ACADL: variants seen among roughly 807,000 people sequenced by gnomAD.
ACADL encodes acyl-CoA dehydrogenase long chain, also known as long-chain specific acyl-CoA dehydrogenase, mitochondrial.
ACADL carries 60 observed loss-of-function variants against 56.9 expected under a neutral mutation model. The observed-to-expected ratio is 1.05, with a 90% CI of 0.86 to 1.31. The LOEUF is 1.31. Among genes scored for constraint, ACADL ranks in the 50% most tolerant of loss-of-function variants. The probability of loss-of-function intolerance (pLI) is 0.00; values close to 1 mark genes in which losing one functional copy is unlikely to be tolerated. For missense variants in ACADL, 484 were observed against 525.5 expected, an observed-to-expected ratio of 0.92 and a Z score of 0.77; for synonymous variants, 158 against 179.7, an observed-to-expected ratio of 0.88 and a Z score of 0.97.
In ACADL at chr2:210,195,289, C is replaced by A. The variant is rs955298905; in HGVS notation, c.1034G>T (p.Arg345Leu). 3.7e-6 allele frequency: 6 copies of A among 1,613,606 alleles called. No homozygotes were observed. In the South Asian group the frequency reaches 6.6e-5, roughly 18 times the overall value. The change falls in exon 9 of 11, where the codon CGA becomes CTA. Residue 345 changes from arginine to leucine, a missense_variant. Physicochemically the swap from Arg to Leu is moderately radical, Grantham distance 102 (BLOSUM62 -2). Transcript: ENST00000233710. Reference protein sequence around the residue: ...AELKTHICVTRAFVDNCLQLH... With the variant: ...AELKTHICVTLAFVDNCLQLH... ...CTGGAGACAGTTGTCCACAAATGCT[C>A]GGGTTACACATATATGTGTTTTTAA... is the stretch of plus-strand genomic sequence containing the variant.
chr2:210,214,529 G>GAAAGAAGGAAAT (rs1559640017), intron 4 of ACADL, among the ~76,000 whole-genome samples: 7 of 138,200 alleles, frequency 5.1e-5, no homozygotes, highest in African/African-American at 1.9e-4. Context: ...AAGAAAGAAA[G>GAAAGAAGGAAAT]AAATCTGCTT....
At position 210,204,800 on chromosome 2, in the gene ACADL, G is replaced by A. The variant is rs192202804; in HGVS notation, c.769-118C>T. On this transcript the variant is annotated intron_variant, in intron 6 of 10. Transcript: ENST00000233710. ...AAACAAAACACAAATTGGAAGCCAA[G>A]TTGGAGTAGTTAATGAACATAACTA... is the stretch of plus-strand genomic sequence containing the variant. 2.4e-5 allele frequency: 19 copies of A among 802,322 alleles called. No homozygotes were observed. In the East Asian group the frequency reaches 4.3e-4, roughly 18 times the overall value. The allele number at this position is 802,322 out of a possible 1,614,324, so 49.7% of individuals were successfully genotyped here.
At chr2:210,217,155 A>G (rs1689101361) in intron 3 of ACADL, among the ~76,000 whole-genome samples, 1 of 152,098 alleles carries the variant, frequency 6.6e-6, no homozygotes, top group Non-Finnish European at 1.5e-5. Context: ...TTACTTATCC[A>G]TTCTCCCACT....
intron 1 of ACADL, among the ~76,000 whole-genome samples, chr2:210,223,165 A>G (rs1006063804): frequency 2.0e-5 from 3 of 152,210 alleles, no homozygotes; most frequent in Non-Finnish European, 4.4e-5. Context: ...ACGAATAAAG[A>G]CTTTCAGGTC....
chr2:210,202,874 C>T (rs1383743645), intron 8 of ACADL, among the ~76,000 whole-genome samples: 1 of 152,028 alleles, frequency 6.6e-6, no homozygotes, highest in Non-Finnish European at 1.5e-5. Flanking sequence ...GGTGTGTCAC[C>T]CTCCACCTCC....
Position 210,195,328 on chromosome 2 carries a change from T to A in ACADL, c.995A>T (p.His332Leu), listed in dbSNP as rs1226460778. 3 of 1,612,174 alleles carry A rather than the reference T, an allele frequency of 1.9e-6. No homozygotes were observed. The highest frequency in any genetic ancestry group is 2.5e-6 in the Non-Finnish European group (3 of 1,178,368). The change falls in exon 9 of 11, where the codon CAT (histidine) becomes CTT (leucine). Residue 332 changes from histidine to leucine, a missense_variant. Physicochemically the swap from His to Leu is moderately conservative, Grantham distance 99. Transcript: ENST00000233710. ...ATGTGTTTTTAATTCTGCTAATTTA[T>A]GTTGCACTGTCTTGAATTTAAAGGA... The part of the protein sequence containing the change: ...KTVAHLQTVQ[H>L]KLAELKTHIC...
At chr2:210,221,729 T>C (rs1354720143) in intron 1 of ACADL, among the ~76,000 whole-genome samples, 1 of 146,302 alleles carries the variant, frequency 6.8e-6, no homozygotes, top group Non-Finnish European at 1.5e-5. Flanking sequence ...TTTCTTTCCT[T>C]TTTTTTTTTT....
At chr2:210,211,724 A>T (rs187288569) in intron 4 of ACADL, among the ~76,000 whole-genome samples, 55 of 152,144 alleles carry the variant, frequency 3.6e-4, no homozygotes, top group Non-Finnish European at 7.3e-4. Context: ...ACTGTGAACC[A>T]CTTAAACCTC....
chr2:210,213,517 A>G (rs966603892), intron 4 of ACADL, among the ~76,000 whole-genome samples: 5 of 152,120 alleles, frequency 3.3e-5, no homozygotes, highest in African/African-American at 1.2e-4. Flanking sequence ...AAATTCTTCT[A>G]TACAGGGACA....
intron 9 of ACADL, among the ~76,000 whole-genome samples, chr2:210,194,180 T>C (rs1156855092): frequency 6.6e-6 from 1 of 152,182 alleles, no homozygotes; most frequent in Non-Finnish European, 1.5e-5. Context: ...AAATTTTTTT[T>C]ACACTTTTTG....
At chr2:210,196,340 G>A (rs894988805) in intron 8 of ACADL, among the ~76,000 whole-genome samples, 4 of 151,162 alleles carry the variant, frequency 2.6e-5, no homozygotes, top group Non-Finnish European at 4.4e-5. Flanking sequence ...TACACCTCCC[G>A]TACCTCTCAA....
chr2:210,214,467 A>AAAAGAAAG (rs60795055), intron 4 of ACADL, among the ~76,000 whole-genome samples: 4,305 of 122,378 alleles, frequency 0.035, 138 homozygotes, highest in African/African-American at 0.067. Flanking sequence ...GACCTTCCAA[A>AAAAGAAAG]AAAGAAAGAA....
chr2:210,199,941 TG>T (rs1337031874), intron 8 of ACADL, among the ~76,000 whole-genome samples: 1 of 152,078 alleles, frequency 6.6e-6, no homozygotes, highest in Non-Finnish European at 1.5e-5. Flanking sequence ...GATGAGGTTT[TG>T]CCACGTTGTC....
intron 8 of ACADL, among the ~76,000 whole-genome samples, chr2:210,198,515 A>G (rs1178620125): frequency 6.6e-6 from 1 of 152,108 alleles, no homozygotes; most frequent in East Asian, 1.9e-4. Flanking sequence ...AAGAGCTCTC[A>G]TTAGATTAGA....
At chr2:210,196,910 A>G (rs1688718588) in intron 8 of ACADL, among the ~76,000 whole-genome samples, 1 of 152,174 alleles carries the variant, frequency 6.6e-6, no homozygotes, top group Non-Finnish European at 1.5e-5. Context: ...TGTGTTCTCA[A>G]AGGAGGGTGG....
At chr2:210,215,488 T>C (rs1034042695) in intron 4 of ACADL, among the ~76,000 whole-genome samples, 2 of 152,208 alleles carry the variant, frequency 1.3e-5, no homozygotes, top group African/African-American at 4.8e-5. Flanking sequence ...TCTGTCTCTC[T>C]TGCTCCATCT....
At chr2:210,198,834 A>G (rs1295645565) in intron 8 of ACADL, among the ~76,000 whole-genome samples, 2 of 152,158 alleles carry the variant, frequency 1.3e-5, no homozygotes, top group Non-Finnish European at 2.9e-5. Context: ...ATTATTTAAC[A>G]TCTGGATTTT....
At chr2:210,199,067 A>G (rs1318246467) in intron 8 of ACADL, among the ~76,000 whole-genome samples, 1 of 152,120 alleles carries the variant, frequency 6.6e-6, no homozygotes, top group African/African-American at 2.4e-5. Context: ...ATATAGTTAT[A>G]AAATGACATG....
chr2:210,197,893 A>G (rs1219468314), intron 8 of ACADL, among the ~76,000 whole-genome samples: 2 of 152,232 alleles, frequency 1.3e-5, no homozygotes, highest in African/African-American at 2.4e-5. Flanking sequence ...CCAAGAGTAC[A>G]TAATTTACTC....
Sources: allele counts gnomAD v4.1 joint callset (sites outside exome capture counted in the v4.1 genomes callset), GRCh38; gene constraint gnomAD v4.1.1; transcripts MANE v1.5; gene names NCBI Gene and HGNC (gene_info 2026-07-23, HGNC 2026-07-21).